The following SGCD variants were observed in gnomAD, a reference collection of about 807,000 sequenced individuals.
SGCD encodes the protein delta-sarcoglycan.
In SGCD, 18 loss-of-function variants were observed where a neutral mutation model predicts 36.6. That is an observed-to-expected ratio of 0.49 (90% CI 0.34 to 0.73). The LOEUF is 0.73. SGCD is among the 30% of genes least tolerant of loss of function. The pLI, the probability that SGCD is intolerant of heterozygous loss-of-function variation, is 0.01. For synonymous variants in SGCD, 133 were observed against 130.6 expected (o/e 1.02, Z -0.12); for missense variants, 387 against 346.7 (o/e 1.12, Z -0.92).
Position 155,998,908 on chromosome 5 carries a change from C to T in SGCD, c.-281-118970C>T, listed in dbSNP as rs143924990. On this transcript the variant is annotated intron_variant, in intron 1 of 9. Coordinates refer to the SGCD transcript ENST00000517913. ...CTCTGATAATTTCATTAGAAGTAAA[C>T]GTCCAAGCAGTGATCATGTCTTATT... is the stretch of plus-strand genomic sequence containing the variant. Among the ~76,000 whole-genome samples the T allele has an allele frequency of 1.8e-3, 269 of 152,238 alleles. 6 individuals carry two copies. The East Asian group carries it at 0.045, about 26-fold the overall frequency.
intron 1 of SGCD, among the ~76,000 whole-genome samples, chr5:156,112,770 C>T (rs1485018530): frequency 1.3e-5 from 2 of 152,154 alleles, no homozygotes; most frequent in Non-Finnish European, 2.9e-5. Flanking sequence ...GGTGATTCAT[C>T]ATCCATGCCT....
intron 3 of SGCD, among the ~76,000 whole-genome samples, chr5:156,419,651 A>T (rs990848625): frequency 6.6e-6 from 1 of 152,120 alleles, no homozygotes; most frequent in Non-Finnish European, 1.5e-5. Flanking sequence ...TGGAGAAGCA[A>T]ATGGATGTAG....
chr5:156,458,452 A>G (rs1322660425), intron 3 of SGCD: 37 of 1,610,472 alleles, frequency 2.3e-5, no homozygotes, highest in African/African-American at 4.0e-5. Flanking sequence ...CCTGATTCCC[A>G]TCCCCATGGC....
chr5:156,401,786 A>G (rs1772164138), intron 3 of SGCD, among the ~76,000 whole-genome samples: 1 of 152,124 alleles, frequency 6.6e-6, no homozygotes, highest in African/African-American at 2.4e-5. Context: ...TAAACTATAC[A>G]TAAATTCATG....
chr5:156,472,172 T>C (rs973869144), intron 3 of SGCD, among the ~76,000 whole-genome samples: 1 of 152,190 alleles, frequency 6.6e-6, no homozygotes, highest in Non-Finnish European at 1.5e-5. Flanking sequence ...TAAAAAAGCG[T>C]AACTACGTTG....
At chr5:156,454,164 T>G (rs1238073188) in intron 3 of SGCD, among the ~76,000 whole-genome samples, 1 of 152,198 alleles carries the variant, frequency 6.6e-6, no homozygotes, top group African/African-American at 2.4e-5. Flanking sequence ...TGGAAAGGAC[T>G]GCACTCAAAA....
chr5:155,841,935 C>G, the SGCD span, among the ~76,000 whole-genome samples: 1 of 152,006 alleles, frequency 6.6e-6, no homozygotes, highest in Non-Finnish European at 1.5e-5. Flanking sequence ...GGGTCATGGC[C>G]CAACTAGATC....
rs143509693 is a variant in SGCD, at chr5:156,567,373, G to C, written c.295-21858G>C. 1.1e-3 allele frequency among the ~76,000 whole-genome samples: 143 copies of C among 129,034 alleles called. 2 individuals carry two copies. Among genetic ancestry groups the C allele is most frequent in the Admixed American group, 0.01 (122 of 11,956 alleles). 84.7% of individuals were successfully genotyped at this position (129,034 alleles called of 152,430 possible). On this transcript the variant is annotated intron_variant, in intron 4 of 8. Transcript: ENST00000337851. ...GCAGGGAGGGAGGGAGGGATGGATA[G>C]ATAAATAGATAGATAGATAGATAGA... is the stretch of plus-strand genomic sequence containing the variant.
At chr5:156,379,103 T>C (rs1770837647) in intron 3 of SGCD, among the ~76,000 whole-genome samples, 1 of 152,200 alleles carries the variant, frequency 6.6e-6, no homozygotes, top group African/African-American at 2.4e-5. Context: ...CAGATGCCAA[T>C]TATTCTAGGT....
At chr5:156,627,350 CAGAG>C (rs370955158) in intron 6 of SGCD, among the ~76,000 whole-genome samples, 3 of 151,834 alleles carry the variant, frequency 2.0e-5, no homozygotes, top group Non-Finnish European at 4.4e-5. Context: ...ACTATAAAAA[CAGAG>C]AGAGAGAGCA....
chr5:156,181,766 G>T (rs1308778406), intron 3 of SGCD, among the ~76,000 whole-genome samples: 1 of 152,204 alleles, frequency 6.6e-6, no homozygotes, highest in African/African-American at 2.4e-5. Flanking sequence ...CAAGTCAATG[G>T]TTAGGAGGCT....
At chr5:155,936,618 C>T (rs771957330) in intron 1 of SGCD, among the ~76,000 whole-genome samples, 14 of 152,156 alleles carry the variant, frequency 9.2e-5, no homozygotes, top group Admixed American at 1.3e-4. Context: ...GGTCCATGGG[C>T]GGCCATGGGC....
chr5:156,102,837 G>T (rs572292346), intron 1 of SGCD, among the ~76,000 whole-genome samples: 1 of 152,086 alleles, frequency 6.6e-6, no homozygotes, highest in Admixed American at 6.5e-5. Context: ...TACTTATATT[G>T]TGTGTGTACA....
chr5:155,780,255 T>C, the SGCD span, among the ~76,000 whole-genome samples: 1 of 152,138 alleles, frequency 6.6e-6, no homozygotes, highest in African/African-American at 2.4e-5. Context: ...AAAAAGACAC[T>C]GGGGAAGCTT....
chr5:156,746,021 G>C (rs1450949658), intron 7 of SGCD, among the ~76,000 whole-genome samples: 1 of 147,794 alleles, frequency 6.8e-6, no homozygotes, highest in African/African-American at 2.5e-5. Context: ...AAGTTTAAAG[G>C]GTAAAAAAAA....
rs1757394496 is a variant in SGCD at position 156,757,707 on chromosome 5, G to A, written c.699+3G>A. On this transcript the variant is annotated splice_donor_region_variant and intron_variant, in intron 8 of 8. Transcript: ENST00000337851. ...GACTGGAATCCAAAGATGGAGAGGTGAGGGATGAGAAGGACAGAAGTTCAA... is the reference window on the plus strand; with the variant it reads ...GACTGGAATCCAAAGATGGAGAGGTAAGGGATGAGAAGGACAGAAGTTCAA... 1.2e-6 allele frequency: 2 copies of A among 1,601,316 alleles called. No homozygotes were observed. The highest frequency in any genetic ancestry group is 1.3e-5 in the African/African-American group (1 of 74,596).
the SGCD span, among the ~76,000 whole-genome samples, chr5:155,736,542 C>T: frequency 6.6e-6 from 1 of 152,152 alleles, no homozygotes; most frequent in African/African-American, 2.4e-5. Flanking sequence ...TTTAGGCCTT[C>T]AAATAATTTA....
intron 7 of SGCD, among the ~76,000 whole-genome samples, chr5:156,740,494 C>T (rs1318113583): frequency 6.6e-6 from 1 of 152,208 alleles, no homozygotes; most frequent in Non-Finnish European, 1.5e-5. Context: ...TACTGATTTG[C>T]TCAAGTTTTA....
chr5:155,992,291 A>C (rs1183050487), intron 1 of SGCD, among the ~76,000 whole-genome samples: 1 of 152,124 alleles, frequency 6.6e-6, no homozygotes, highest in Non-Finnish European at 1.5e-5. Context: ...AGGTTATACA[A>C]ATGACTGCAA....
Sources: gnomAD v4.1 joint callset for allele counts (sites outside exome capture counted in the v4.1 genomes callset) on GRCh38, gnomAD v4.1.1 for gene constraint, MANE v1.5 for transcripts, NCBI Gene and HGNC (gene_info 2026-07-23, HGNC 2026-07-21) for gene names.